The following RANBP17 variants were observed in gnomAD, a reference collection of about 807,000 sequenced individuals.
RANBP17 encodes RAN binding protein 17, also known as ran-binding protein 17.
RANBP17 carries 158 observed loss-of-function variants against 141.2 expected under a neutral mutation model. The ratio of observed to expected loss-of-function variants is 1.12; its 90% CI spans 0.98 to 1.28. The LOEUF (loss-of-function observed/expected upper bound fraction) is 1.28, where lower values mean the gene tolerates loss of function less well. RANBP17 is among the 50% of genes most tolerant of loss of function. The probability of loss-of-function intolerance (pLI) is 0.00; values close to 1 mark genes in which losing one functional copy is unlikely to be tolerated. For missense variants in RANBP17, 1,438 were observed against 1,290.7 expected, an observed-to-expected ratio of 1.11 and a Z score of -1.75; for synonymous variants, 430 against 450.0, an observed-to-expected ratio of 0.96 and a Z score of 0.56.
intron 14 of RANBP17, among the ~76,000 whole-genome samples, chr5:171,073,107 A>G (rs1784723796): frequency 6.6e-6 from 1 of 152,108 alleles, no homozygotes; most frequent in Non-Finnish European, 1.5e-5. Flanking sequence ...CTGTGTGGTA[A>G]TGGGATGGTA....
In RANBP17 at chr5:170,914,247, A is replaced by G. The variant is rs1771766628; in HGVS notation, c.834+7A>G. The stretch of plus-strand genomic sequence containing the variant: ...ACCACTACTATCTCAGTTAGTAAGT[A>G]AAAGTCATTCGTTATTTCGTTAAAA... On this transcript the variant is annotated splice_region_variant and intron_variant, in intron 8 of 27. Transcript: ENST00000523189. The G allele has an allele frequency of 1.3e-6, 2 of 1,557,424 alleles. No homozygotes were observed. The highest frequency in any genetic ancestry group is 1.4e-5 in the African/African-American group (1 of 73,720).
chr5:171,246,347 G>T (rs866813018), intron 24 of RANBP17, among the ~76,000 whole-genome samples: 49 of 152,336 alleles, frequency 3.2e-4, no homozygotes, highest in African/African-American at 1.2e-3. Flanking sequence ...AACTCAGTGA[G>T]CCTGTTTGGC....
chr5:171,229,374 T>G (rs538086677), intron 22 of RANBP17, among the ~76,000 whole-genome samples: 7 of 152,266 alleles, frequency 4.6e-5, no homozygotes, highest in African/African-American at 1.7e-4. Context: ...CACCTAACAT[T>G]TGTTGAGCAT....
At chr5:170,995,607 A>G (rs751581572) in intron 14 of RANBP17, among the ~76,000 whole-genome samples, 95 of 152,302 alleles carry the variant, frequency 6.2e-4, no homozygotes, top group Non-Finnish European at 9.0e-4. Context: ...TTGATTAAAT[A>G]GGTTGTACAG....
At position 170,955,644 on chromosome 5, in the gene RANBP17, C is replaced by T. The variant is rs1300463505; in HGVS notation, c.1574+1942C>T. On this transcript the variant is annotated intron_variant, in intron 13 of 27. Transcript: ENST00000523189. ...ATATATATATATATATATATATGCT[C>T]AGTGTATATATATATATATATATAT... is the stretch of plus-strand genomic sequence containing the variant. Among the ~76,000 whole-genome samples, 8 of 25,024 alleles carry T rather than the reference C, an allele frequency of 3.2e-4. 1 individual carries two copies. Among genetic ancestry groups the T allele is most frequent in the African/African-American group, 1.3e-3 (8 of 5,942 alleles). The allele number at this position is 25,024 out of a possible 152,430, so 16.4% of individuals were successfully genotyped here.
At chr5:171,082,050 C>A (rs1311057504) in intron 14 of RANBP17, among the ~76,000 whole-genome samples, 2 of 152,086 alleles carry the variant, frequency 1.3e-5, no homozygotes, top group African/African-American at 4.8e-5. Flanking sequence ...ATTAATAAAA[C>A]CTTAAAAATA....
rs765103553 is a variant in RANBP17, at chr5:171,205,598, G to C, written c.2217G>C (p.Met739Ile). 14 of 1,613,534 alleles carry C rather than the reference G, an allele frequency of 8.7e-6. No homozygotes were observed. Among genetic ancestry groups the C allele is most frequent in the Non-Finnish European group, 1.2e-5 (14 of 1,179,522 alleles). ...FALNTKTSYT[M>I]LFDWMYPTYL... The stretch of plus-strand genomic sequence containing the variant: ...TGAACACAAAGACCAGCTACACCAT[G>C]CTGTTTGACTGGATGTATCCTTATT... The change falls in exon 20 of 28, where the codon ATG (methionine) becomes ATC (isoleucine). Residue 739 changes from methionine (M) to isoleucine (I), a missense_variant. Met to Ile is a conservative substitution (Grantham distance 10, BLOSUM62 1). Coordinates refer to ENST00000523189, the MANE Select transcript of RANBP17 (RefSeq NM_022897.5).
chr5:171,220,305 A>G lies in RANBP17; in HGVS notation c.2340-1453A>G, dbSNP rs147833971. Among the ~76,000 whole-genome samples, 1,049 of 147,252 alleles carry G rather than the reference A, an allele frequency of 7.1e-3. 15 individuals carry two copies. Among genetic ancestry groups the G allele is most frequent in the South Asian group, 0.039 (180 of 4,630 alleles). On this transcript the variant is annotated intron_variant, in intron 21 of 27. Transcript: ENST00000523189. ...CACCCGGCCTTATGAGGTGTCAGTC[A>G]CCCCCCTACTGGGAGGTGCCTCCCG...
chr5:170,952,402 A>G (rs980050745), intron 12 of RANBP17, among the ~76,000 whole-genome samples: 1 of 151,942 alleles, frequency 6.6e-6, no homozygotes, highest in Non-Finnish European at 1.5e-5. Context: ...TTGTTTTGTG[A>G]GAGAATAAAG....
intron 26 of RANBP17, among the ~76,000 whole-genome samples, chr5:171,295,686 G>T (rs913371324): frequency 3.3e-5 from 5 of 152,114 alleles, no homozygotes; most frequent in South Asian, 2.1e-4. Flanking sequence ...TTTATGGAAG[G>T]CATCATAGAA....
intron 14 of RANBP17, among the ~76,000 whole-genome samples, chr5:171,088,345 TG>T (rs1363403819): frequency 6.6e-6 from 1 of 152,238 alleles, no homozygotes; most frequent in Non-Finnish European, 1.5e-5. Flanking sequence ...GTTGGTTTGG[TG>T]GGCTTCCCTT....
intron 24 of RANBP17, among the ~76,000 whole-genome samples, chr5:171,263,648 A>C (rs1340204377): frequency 6.6e-6 from 1 of 152,154 alleles, no homozygotes; most frequent in Non-Finnish European, 1.5e-5. Context: ...CTTCTCTTAC[A>C]TCTCCTCTAC....
chr5:171,160,138 T>TAA (rs1046286619), intron 14 of RANBP17, among the ~76,000 whole-genome samples: 1 of 152,164 alleles, frequency 6.6e-6, no homozygotes, highest in Admixed American at 6.5e-5. Flanking sequence ...GTGATGCAGA[T>TAA]AAGTTCTTGA....
intron 27 of RANBP17, among the ~76,000 whole-genome samples, chr5:171,296,837 T>A (rs563816310): frequency 6.6e-6 from 1 of 152,304 alleles, no homozygotes; most frequent in East Asian, 1.9e-4. Context: ...CACTTGAACC[T>A]GGGAGGCAGA....
At chr5:171,008,234 G>A (rs1779788581) in intron 14 of RANBP17, among the ~76,000 whole-genome samples, 1 of 152,224 alleles carries the variant, frequency 6.6e-6, no homozygotes, top group Non-Finnish European at 1.5e-5. Flanking sequence ...AGATTGAAGG[G>A]TAGCGAGAGA....
chr5:171,029,007 T>C, intron 14 of RANBP17: 1 of 1,154,928 alleles, frequency 8.7e-7, no homozygotes, highest in Non-Finnish European at 1.1e-6. Context: ...CAAGTCAGTC[T>C]ATATGTTAAG....
At chr5:171,198,034 G>A (rs149194354) in intron 18 of RANBP17, among the ~76,000 whole-genome samples, 42 of 152,342 alleles carry the variant, frequency 2.8e-4, no homozygotes, top group Non-Finnish European at 5.1e-4. Context: ...GCAAGACTCC[G>A]TCTCAAAACA....
intron 5 of RANBP17, among the ~76,000 whole-genome samples, chr5:170,897,940 G>A (rs1202464809): frequency 1.3e-5 from 2 of 152,114 alleles, no homozygotes; most frequent in Non-Finnish European, 2.9e-5. Context: ...TGGGATTGTT[G>A]GGTCAAATGG....
At chr5:170,916,854 T>G (rs1341260564) in intron 9 of RANBP17, among the ~76,000 whole-genome samples, 1 of 152,000 alleles carries the variant, frequency 6.6e-6, no homozygotes, top group Non-Finnish European at 1.5e-5. Context: ...TAGCTGGGAT[T>G]ACAGGCTTGC....
Sources: gnomAD v4.1 joint callset for allele counts (sites outside exome capture counted in the v4.1 genomes callset) on GRCh38, gnomAD v4.1.1 for gene constraint, MANE v1.5 for transcripts, NCBI Gene and HGNC (gene_info 2026-07-23, HGNC 2026-07-21) for gene names.